The following MAP4K4 variants were observed in gnomAD, a reference collection of about 807,000 sequenced individuals.
MAP4K4 encodes mitogen-activated protein kinase kinase kinase kinase 4.
A neutral mutation model predicts 189.6 loss-of-function variants in MAP4K4; 38 were observed. The ratio of observed to expected loss-of-function variants is 0.20; its 90% CI spans 0.15 to 0.26. The LOEUF is 0.26. MAP4K4 is among the 10% of genes least tolerant of loss of function. The probability of loss-of-function intolerance (pLI) is 1.00; values close to 1 mark genes in which losing one functional copy is unlikely to be tolerated. For synonymous variants in MAP4K4, 610 were observed against 624.3 expected (o/e 0.98, Z 0.34); for missense variants, 1,054 against 1,726.9 (o/e 0.61, Z 6.91).
At chr2:101,889,300 A>G (rs570508827) in intron 32 of MAP4K4, among the ~76,000 whole-genome samples, 7 of 152,284 alleles carry the variant, frequency 4.6e-5, no homozygotes, top group African/African-American at 1.2e-4. Flanking sequence ...GGGTACATCA[A>G]AAGGTTCCTC....
chr2:101,861,091 AGAG>A, intron 16 of MAP4K4, 105 bp downstream of exon 16: 1 of 1,059,680 alleles, frequency 9.4e-7, no homozygotes, highest in Non-Finnish European at 1.3e-6. Flanking sequence ...ACACTGAAAA[AGAG>A]GAGAGATTAG....
intron 2 of MAP4K4, among the ~76,000 whole-genome samples, chr2:101,739,764 T>C (rs2061831071): frequency 6.6e-6 from 1 of 152,244 alleles, no homozygotes; most frequent in Admixed American, 6.5e-5. Context: ...AGTTGTTAAT[T>C]ACCTCTTTGT....
At chr2:101,721,776 T>C (rs1366500068) in intron 2 of MAP4K4, among the ~76,000 whole-genome samples, 2 of 152,084 alleles carry the variant, frequency 1.3e-5, no homozygotes, top group Admixed American at 6.6e-5. Context: ...ACCCACCTGC[T>C]CAGAAGGAGG....
chr2:101,772,488 T>C (rs977789382), intron 2 of MAP4K4, among the ~76,000 whole-genome samples: 2 of 152,228 alleles, frequency 1.3e-5, no homozygotes, highest in Non-Finnish European at 2.9e-5. Context: ...TTGTTCTTTT[T>C]AAATTGTGGA....
chr2:101,812,250 C>T (rs1287384975), intron 3 of MAP4K4, among the ~76,000 whole-genome samples: 2 of 152,140 alleles, frequency 1.3e-5, no homozygotes, highest in Non-Finnish European at 2.9e-5. Context: ...TCAGGGGACT[C>T]CATGCAGACT....
chr2:101,886,080 G>GT (rs145800822), intron 29 of MAP4K4, among the ~76,000 whole-genome samples: 1,619 of 152,268 alleles, frequency 0.011, 36 homozygotes, highest in African/African-American at 0.037. Context: ...GATAGATGGA[G>GT]TCACAATATT....
chr2:101,866,580 G>A lies in MAP4K4; in HGVS notation c.2356+1G>A. 6.2e-7 allele frequency: 1 copy of A among 1,611,504 alleles called. No individual in the cohort carries two copies. Among genetic ancestry groups the A allele is most frequent in the Non-Finnish European group, 8.5e-7 (1 of 1,178,032 alleles). On this transcript the variant is annotated splice_donor_variant, in intron 19 of 32. Coordinates refer to ENST00000324219, the Ensembl canonical transcript of MAP4K4. LOFTEE classifies it high-confidence loss of function. ...TCCGGGGAACGCTTCAGAGTGAGAT[G>A]TAAGCTGCCTTTCCTTTCCTTTTTC... is the stretch of plus-strand genomic sequence containing the variant.
chr2:101,772,273 C>A (rs938966001), intron 2 of MAP4K4, among the ~76,000 whole-genome samples: 28 of 152,196 alleles, frequency 1.8e-4, no homozygotes, highest in Middle Eastern at 3.2e-3. Flanking sequence ...CCAATTGTCT[C>A]CCCAGGTGTC....
intron 2 of MAP4K4, among the ~76,000 whole-genome samples, chr2:101,762,987 G>A (rs2077122209): frequency 6.6e-6 from 1 of 152,160 alleles, no homozygotes; most frequent in African/African-American, 2.4e-5. Context: ...CAACTGATAG[G>A]TAGCTAGACC....
chr2:101,703,871 C>T (rs572497387), intron 2 of MAP4K4, among the ~76,000 whole-genome samples: 1 of 151,876 alleles, frequency 6.6e-6, no homozygotes, highest in East Asian at 1.9e-4. Flanking sequence ...ATTAGCCGGG[C>T]GTGGTGGCGC....
intron 2 of MAP4K4, among the ~76,000 whole-genome samples, chr2:101,720,209 T>C (rs1314486922): frequency 6.8e-6 from 1 of 146,402 alleles, no homozygotes; most frequent in Non-Finnish European, 1.5e-5. Context: ...TTGAGACCCC[T>C]GTCGCCCAGG....
chr2:101,792,695 G>T (rs892232447), intron 3 of MAP4K4, among the ~76,000 whole-genome samples: 7 of 150,710 alleles, frequency 4.6e-5, no homozygotes, highest in African/African-American at 7.4e-5. Flanking sequence ...GAGTGCTGTG[G>T]TGCAATCTCT....
At chr2:101,725,967 AAGCTG>A (rs2055106631) in intron 2 of MAP4K4, among the ~76,000 whole-genome samples, 1 of 149,070 alleles carries the variant, frequency 6.7e-6, no homozygotes, top group South Asian at 2.1e-4. Flanking sequence ...ATCTGGATAA[AAGCTG>A]AGTGTTCTTA....
chr2:101,840,853 A>G (rs1008719325), intron 10 of MAP4K4, among the ~76,000 whole-genome samples: 10 of 152,258 alleles, frequency 6.6e-5, no homozygotes, highest in Non-Finnish European at 1.5e-4. Context: ...TTCATAGTTA[A>G]GTCATCATTG....
Position 101,837,863 on chromosome 2 carries a change from C to G in MAP4K4, c.773+1885C>G, listed in dbSNP as rs79476484. The stretch of plus-strand genomic sequence containing the variant: ...AGTGATACAAAGATACAGTGGTAGA[C>G]AGCAATGAATGCTTCCTGTATTCTT... On this transcript the variant is annotated intron_variant, in intron 9 of 32. Coordinates refer to ENST00000324219, the Ensembl canonical transcript of MAP4K4. 7.5e-3 allele frequency among the ~76,000 whole-genome samples: 1,146 copies of G among 152,308 alleles called. 14 individuals are homozygous for G. The highest frequency in any genetic ancestry group is 0.027 in the African/African-American group (1,104 of 41,554).
At chr2:101,849,297 A>AT (rs1415051720) in intron 12 of MAP4K4, among the ~76,000 whole-genome samples, 2 of 151,710 alleles carry the variant, frequency 1.3e-5, no homozygotes, top group Non-Finnish European at 2.9e-5. Context: ...TAATTTTTGT[A>AT]TTTTTTGTTT....
chr2:101,876,927 T>A, intron 26 of MAP4K4, 76 bp from the exon 27 acceptor site: 1 of 1,456,752 alleles, frequency 6.9e-7, no homozygotes, highest in Non-Finnish European at 9.5e-7. Flanking sequence ...AAATAGATGA[T>A]GTTATCCTTT....
chr2:101,817,946 A>G (rs951621104), intron 3 of MAP4K4, among the ~76,000 whole-genome samples: 7 of 152,148 alleles, frequency 4.6e-5, no homozygotes, highest in African/African-American at 1.7e-4. Flanking sequence ...ATCAGATCCT[A>G]TAGCCTTAAT....
intron 2 of MAP4K4, among the ~76,000 whole-genome samples, chr2:101,724,343 C>A (rs1451261406): frequency 1.3e-5 from 2 of 152,118 alleles, no homozygotes; most frequent in African/African-American, 4.8e-5. Flanking sequence ...AGTACACTGG[C>A]AGGATTAGTT....
Sources: gnomAD v4.1 joint callset for allele counts (sites outside exome capture counted in the v4.1 genomes callset) on GRCh38, gnomAD v4.1.1 for gene constraint, MANE v1.5 for transcripts, NCBI Gene and HGNC (gene_info 2026-07-23, HGNC 2026-07-21) for gene names.